Variants in RSRC1 observed in about 807,000 individuals in gnomAD.
RSRC1 encodes arginine and serine rich coiled-coil 1, also known as serine/Arginine-related protein 53.
In RSRC1, 39 loss-of-function variants were observed where a neutral mutation model predicts 49.1. That is an observed-to-expected ratio of 0.79 (90% CI 0.61 to 1.04). RSRC1 has a LOEUF of 1.04. RSRC1 is among the 50% of genes least tolerant of loss of function. The probability of loss-of-function intolerance (pLI) is 0.00; values close to 1 mark genes in which losing one functional copy is unlikely to be tolerated. For missense variants in RSRC1, 388 were observed against 402.4 expected (o/e 0.96, Z 0.31); for synonymous variants, 143 against 130.8 (o/e 1.09, Z -0.63).
Position 158,305,437 on chromosome 3 carries a change from A to T in RSRC1, c.531+7362A>T, listed in dbSNP as rs1296424680. Among the ~76,000 whole-genome samples the T allele has an allele frequency of 2.6e-5, 4 of 152,102 alleles. No homozygotes were observed. The East Asian group carries it at 7.7e-4, about 29-fold the overall frequency. ...ACTTCTCATTACTTAAGGGTCTGAA[A>T]ATCAGACCTTCTTGAAACTACTGCA... is the stretch of plus-strand genomic sequence containing the variant. On this transcript the variant is annotated intron_variant, in intron 5 of 9. Coordinates refer to ENST00000611884, the MANE Select transcript of RSRC1 (RefSeq NM_001271838.2).
intron 3 of RSRC1, among the ~76,000 whole-genome samples, chr3:158,187,847 TA>T (rs1720016333): frequency 6.6e-6 from 1 of 152,030 alleles, no homozygotes; most frequent in African/African-American, 2.4e-5. Flanking sequence ...TAATTTCGTG[TA>T]GGCTTATATG....
intron 5 of RSRC1, among the ~76,000 whole-genome samples, chr3:158,348,209 T>C (rs1250961660): frequency 6.6e-6 from 1 of 152,226 alleles, no homozygotes; most frequent in African/African-American, 2.4e-5. Flanking sequence ...TGGCTTTAAC[T>C]TCATCAACTT....
intron 4 of RSRC1, among the ~76,000 whole-genome samples, chr3:158,294,789 A>G (rs1397112529): frequency 2.0e-5 from 3 of 152,016 alleles, no homozygotes; most frequent in African/African-American, 4.8e-5. Flanking sequence ...TCCTAATACT[A>G]CTGTTTTATC....
intron 3 of RSRC1, among the ~76,000 whole-genome samples, chr3:158,149,873 A>T (rs1320285410): frequency 6.6e-6 from 1 of 152,076 alleles, no homozygotes; most frequent in Non-Finnish European, 1.5e-5. Flanking sequence ...CACTCAACTG[A>T]GTGACAGCAT....
At chr3:158,178,233 G>C (rs1719362847) in intron 3 of RSRC1, among the ~76,000 whole-genome samples, 1 of 152,098 alleles carries the variant, frequency 6.6e-6, no homozygotes, top group Non-Finnish European at 1.5e-5. Context: ...GCACCTCCCA[G>C]GTTCAAGCTA....
chr3:158,368,514 A>G (rs894035600), intron 6 of RSRC1, among the ~76,000 whole-genome samples: 2 of 152,202 alleles, frequency 1.3e-5, no homozygotes, highest in South Asian at 2.1e-4. Context: ...TCCCTTGACC[A>G]TGGACTGTTC....
At chr3:158,377,727 T>G (rs1732452279) in intron 6 of RSRC1, among the ~76,000 whole-genome samples, 1 of 151,944 alleles carries the variant, frequency 6.6e-6, no homozygotes, top group Non-Finnish European at 1.5e-5. Flanking sequence ...TGGTGCTATC[T>G]TGGCTCACTG....
At chr3:158,359,598 G>T (rs1053556545) in intron 6 of RSRC1, among the ~76,000 whole-genome samples, 1 of 152,182 alleles carries the variant, frequency 6.6e-6, no homozygotes, top group African/African-American at 2.4e-5. Context: ...CGGGAACACG[G>T]TGGCACCCGG....
rs1256510424 is a variant in RSRC1 at position 158,207,664 on chromosome 3, G to GATAGATAGATAGATAA, written c.494+4420_494+4421insTAGATAGATAGATAAA. 5.1e-4 allele frequency among the ~76,000 whole-genome samples: 78 copies of GATAGATAGATAGATAA among 152,070 alleles called. 1 individual carries two copies. Among genetic ancestry groups the GATAGATAGATAGATAA allele is most frequent in the Middle Eastern group, 3.4e-3 (1 of 294 alleles). On this transcript the variant is annotated intron_variant, in intron 4 of 9. Transcript: ENST00000611884. Reference sequence around the variant, plus strand: ...AGATAGATAGATAGATAGATAGATAGACAGAGAGACAGACAGACAGACAGG... The same window carrying GATAGATAGATAGATAA: ...AGATAGATAGATAGATAGATAGATAGATAGATAGATAGATAAACAGAGAGACAGACAGACAGACAGG...
chr3:158,421,043 A>G (rs1356133430), intron 6 of RSRC1, among the ~76,000 whole-genome samples: 1 of 151,916 alleles, frequency 6.6e-6, no homozygotes, highest in Non-Finnish European at 1.5e-5. Flanking sequence ...TCTGTTCAAC[A>G]ATTTAAGTCC....
chr3:158,312,382 G>A (rs564026258), intron 5 of RSRC1, among the ~76,000 whole-genome samples: 8 of 152,246 alleles, frequency 5.3e-5, no homozygotes, highest in Admixed American at 1.3e-4. Context: ...TTTGTTGAGT[G>A]TCAGTTATTT....
intron 7 of RSRC1, chr3:158,469,671 A>G (rs1738040609): frequency 6.5e-6 from 1 of 153,022 alleles, no homozygotes; most frequent in East Asian, 1.9e-4. Flanking sequence ...TAGGAGATAT[A>G]TCTATTTACT....
chr3:158,270,557 C>T (rs1244783693), intron 4 of RSRC1, among the ~76,000 whole-genome samples: 1 of 152,192 alleles, frequency 6.6e-6, no homozygotes, highest in Non-Finnish European at 1.5e-5. Flanking sequence ...AATATGCTCA[C>T]TGTTTACTTG....
intron 6 of RSRC1, among the ~76,000 whole-genome samples, chr3:158,434,150 C>G (rs1428764406): frequency 1.3e-5 from 2 of 151,936 alleles, no homozygotes; most frequent in Non-Finnish European, 2.9e-5. Context: ...CCTTTCAGCT[C>G]TACTCTGTGA....
intron 3 of RSRC1, among the ~76,000 whole-genome samples, chr3:158,168,994 C>G (rs1306934829): frequency 1.3e-5 from 2 of 152,048 alleles, no homozygotes; most frequent in Non-Finnish European, 2.9e-5. Flanking sequence ...TTGAACCCAC[C>G]TCGTTGTTCC....
intron 4 of RSRC1, among the ~76,000 whole-genome samples, chr3:158,214,207 A>C (rs1273311888): frequency 6.6e-6 from 1 of 151,736 alleles, no homozygotes; most frequent in East Asian, 1.9e-4. Flanking sequence ...ATATTGGGTG[A>C]GTTTTAGTAG....
chr3:158,473,992 G>T (rs146800779), intron 7 of RSRC1, among the ~76,000 whole-genome samples: 1 of 152,098 alleles, frequency 6.6e-6, no homozygotes, highest in East Asian at 1.9e-4. Context: ...TACAGGTTTT[G>T]TATGATATGT....
chr3:158,181,018 C>A (rs529210666), intron 3 of RSRC1, among the ~76,000 whole-genome samples: 5 of 150,992 alleles, frequency 3.3e-5, no homozygotes, highest in South Asian at 4.2e-4. Context: ...GTTGGCCAGG[C>A]TGATCTCAAA....
intron 3 of RSRC1, among the ~76,000 whole-genome samples, chr3:158,145,707 A>G (rs574849663): frequency 1.0e-3 from 155 of 152,234 alleles, no homozygotes; most frequent in African/African-American, 3.4e-3. Context: ...CATTGAATCT[A>G]TAAATTACCT....
Sources: allele counts gnomAD v4.1 joint callset (sites outside exome capture counted in the v4.1 genomes callset), GRCh38; gene constraint gnomAD v4.1.1; transcripts MANE v1.5; gene names NCBI Gene and HGNC (gene_info 2026-07-23, HGNC 2026-07-21).